Variants in RXFP2 observed in about 807,000 individuals in gnomAD.
The protein encoded by RXFP2 is relaxin family peptide receptor 2, also known as relaxin receptor 2.
Under a neutral mutation model 88.6 loss-of-function variants are expected in RXFP2, and 68 were observed. That is an observed-to-expected ratio of 0.77 (90% CI 0.63 to 0.94). RXFP2 has a LOEUF of 0.94. Ranked by LOEUF, RXFP2 falls within the 40% of genes least tolerant of loss-of-function variation. The probability of loss-of-function intolerance (pLI) is 0.00; values close to 1 mark genes in which losing one functional copy is unlikely to be tolerated. For missense variants in RXFP2, 791 were observed against 893.9 expected, an observed-to-expected ratio of 0.88 and a Z score of 1.47; for synonymous variants, 329 against 306.8, an observed-to-expected ratio of 1.07 and a Z score of -0.76.
chr13:31,797,066 T>G, intron 16 of RXFP2, 135 bp from the exon 17 acceptor site: 1 of 718,804 alleles, frequency 1.4e-6, no homozygotes, highest in East Asian at 2.7e-5. Context: ...TATGAATGTG[T>G]AAATATTCCG....
chr13:31,789,252 G>T (rs1042048255), intron 14 of RXFP2, 59 bp downstream of exon 14: 138 of 1,055,706 alleles, frequency 1.3e-4, no homozygotes, highest in Non-Finnish European at 2.4e-5. Flanking sequence ...ATTATCTCCT[G>T]TAAACTGTCT....
At chr13:31,782,773 A>G in intron 11 of RXFP2, 26 bp downstream of exon 11, 1 of 1,364,720 alleles carries the variant, frequency 7.3e-7, no homozygotes, top group Non-Finnish European at 1.0e-6. Flanking sequence ...TACTAGGAAA[A>G]TATGATTGCT....
chr13:31,749,694 C>T (rs1482975588), intron 1 of RXFP2, among the ~76,000 whole-genome samples: 3 of 152,114 alleles, frequency 2.0e-5, no homozygotes. Flanking sequence ...TAAAATGTTT[C>T]ATTGTCTAAT....
At chr13:31,778,806 T>C (rs1347589185) in intron 9 of RXFP2, among the ~76,000 whole-genome samples, 1 of 152,154 alleles carries the variant, frequency 6.6e-6, no homozygotes, top group Non-Finnish European at 1.5e-5. Flanking sequence ...TTCCATTCCT[T>C]ACCCCATCTA....
Position 31,743,611 on chromosome 13 carries a change from G to A in RXFP2, c.94+3905G>A, listed in dbSNP as rs535464455. 2.2e-4 allele frequency among the ~76,000 whole-genome samples: 33 copies of A among 151,342 alleles called. No individual in the cohort carries two copies. In the East Asian group the frequency reaches 3.1e-3, roughly 14 times the overall value. On this transcript the variant is annotated intron_variant, in intron 1 of 17. Coordinates refer to ENST00000298386, the MANE Select transcript of RXFP2 (RefSeq NM_130806.5). ...CTCCCCCTTCCCACTGTTCTGACTC[G>A]GGCCCCCTTGCTCCTGTTCAAGCCT...
chr13:31,745,274 G>A (rs1481673085), intron 1 of RXFP2, among the ~76,000 whole-genome samples: 2 of 152,090 alleles, frequency 1.3e-5, no homozygotes, highest in Non-Finnish European at 2.9e-5. Context: ...CCTGCACACA[G>A]CTCCTCAAAG....
intron 5 of RXFP2, among the ~76,000 whole-genome samples, chr13:31,772,258 T>C (rs1872761582): frequency 6.6e-6 from 1 of 152,246 alleles, no homozygotes; most frequent in African/African-American, 2.4e-5. Flanking sequence ...TCTGGGTTCT[T>C]GTTAAATACA....
intron 10 of RXFP2, among the ~76,000 whole-genome samples, chr13:31,782,151 C>T (rs7994829): frequency 0.52 from 79,588 of 151,978 alleles, 20,990 homozygotes; most frequent in East Asian, 0.69. Flanking sequence ...ATAATTTCAT[C>T]TAAAAGGAAA....
chr13:31,777,749 A>AT (rs979674088), intron 8 of RXFP2, among the ~76,000 whole-genome samples: 2 of 152,148 alleles, frequency 1.3e-5, no homozygotes, highest in African/African-American at 4.8e-5. Context: ...GATAGTATTA[A>AT]TTTTTATATC....
At position 31,781,659 on chromosome 13, in the gene RXFP2, C is replaced by T. The variant is rs749891391; in HGVS notation, c.786-12C>T. ...AAAAATATTAAAAATATCTTTCCTC[C>T]ATGACTTCCAGGGATTTGGAAGGCA... On this transcript the variant is annotated splice_polypyrimidine_tract_variant and intron_variant, in intron 9 of 17. Transcript: ENST00000298386. 18 of 1,584,538 alleles carry T rather than the reference C, an allele frequency of 1.1e-5. No individual in the cohort carries two copies. The African/African-American group carries it at 2.3e-4, about 20-fold the overall frequency.
intron 1 of RXFP2, among the ~76,000 whole-genome samples, chr13:31,757,409 G>A (rs1872007452): frequency 6.6e-6 from 1 of 152,210 alleles, no homozygotes; most frequent in Non-Finnish European, 1.5e-5. Flanking sequence ...GATTAACAAT[G>A]ATAACCACTG....
intron 5 of RXFP2, among the ~76,000 whole-genome samples, chr13:31,766,254 G>T (rs1443868195): frequency 6.6e-6 from 1 of 152,002 alleles, no homozygotes; most frequent in Non-Finnish European, 1.5e-5. Context: ...AATTAACTTG[G>T]AGTCGAGGTA....
intron 5 of RXFP2, among the ~76,000 whole-genome samples, chr13:31,768,172 T>A (rs537955984): frequency 1.3e-5 from 2 of 152,314 alleles, no homozygotes; most frequent in Non-Finnish European, 2.9e-5. Context: ...TTCTACTTTG[T>A]CAGAGAAAAC....
rs1491297815 is a variant in RXFP2 at position 31,759,416 on chromosome 13, A to AGAAC, written c.241+1015_241+1016insCGAA. Among the ~76,000 whole-genome samples the AGAAC allele has an allele frequency of 1.5e-4, 23 of 151,140 alleles. No individual in the cohort carries two copies. In the East Asian group the frequency reaches 3.3e-3, roughly 22 times the overall value. On this transcript the variant is annotated intron_variant, in intron 2 of 17. Transcript: ENST00000298386. ...AAGAAAGAAAGAAAGAAAGAAAGAAAGAAAGAAAGAAAGAAAGAAAGAAAG... is the reference window on the plus strand; with the variant it reads ...AAGAAAGAAAGAAAGAAAGAAAGAAAGAACGAAAGAAAGAAAGAAAGAAAGAAAG...
chr13:31,744,465 A>C (rs1470140075), intron 1 of RXFP2, among the ~76,000 whole-genome samples: 1 of 152,242 alleles, frequency 6.6e-6, no homozygotes, highest in Non-Finnish European at 1.5e-5. Context: ...ATTCTAAAAA[A>C]TGTTATAAAT....
At chr13:31,771,361 G>C (rs1872728826) in intron 5 of RXFP2, among the ~76,000 whole-genome samples, 1 of 152,192 alleles carries the variant, frequency 6.6e-6, no homozygotes, top group Admixed American at 6.5e-5. Context: ...ATCAGCAGTG[G>C]CATTAGATTC....
In RXFP2 at chr13:31,792,781, G is replaced by A. The variant is rs773990372; in HGVS notation, c.1479G>A (p.Val493=). ...ATGCCTTGCTGTGGATGGAGAGCGT[G>A]CAGTGCCGCCTCATGGGGTTCCTGG... is the stretch of plus-strand genomic sequence containing the variant. ...QKYALLWMES[V]QCRLMGFLAM... is the part of the protein sequence containing the mutation. The change falls in exon 16 of 18, where the codon GTG becomes GTA. Residue 493 remains valine (V), a synonymous_variant. Transcript: ENST00000298386. 4.8e-5 allele frequency: 77 copies of A among 1,614,018 alleles called. 2 individuals carry two copies. The South Asian group carries it at 8.2e-4, about 17-fold the overall frequency.
chr13:31,793,001 T>G lies in RXFP2; in HGVS notation c.1699T>G (p.Tyr567Asp). 1.9e-6 allele frequency: 3 copies of G among 1,614,060 alleles called. No individual in the cohort carries two copies. Among genetic ancestry groups the G allele is most frequent in the Non-Finnish European group, 2.5e-6 (3 of 1,179,916 alleles). The change falls in exon 16 of 18, where the codon TAT becomes GAT. Residue 567 changes from tyrosine (Y) to aspartate (D), a missense_variant. By Grantham distance (160) the Tyr-to-Asp change is radical. Transcript: ENST00000298386. ...FWNKDYFGNF[Y>D]GKNGVCFPLY... ...GAATAAGGATTATTTTGGAAACTTT[T>G]ATGGGAAAAATGGAGTATGTTTCCC...
intron 9 of RXFP2, 107 bp from the exon 10 acceptor site, chr13:31,781,564 C>T: frequency 2.6e-6 from 2 of 775,120 alleles, no homozygotes; most frequent in South Asian, 1.6e-5. Context: ...AAGATAGTAA[C>T]AACTGGAATG....
Sources: gnomAD v4.1 joint callset for allele counts (sites outside exome capture counted in the v4.1 genomes callset) on GRCh38, gnomAD v4.1.1 for gene constraint, MANE v1.5 for transcripts, NCBI Gene and HGNC (gene_info 2026-07-23, HGNC 2026-07-21) for gene names.